PDZRN4: variants seen among roughly 807,000 people sequenced by gnomAD.
PDZRN4 encodes PDZ domain containing ring finger 4.
PDZRN4 carries 70 observed loss-of-function variants against 99.0 expected under a neutral mutation model. The observed-to-expected ratio is 0.71, with a 90% CI of 0.58 to 0.86. The LOEUF is 0.86. Ranked by LOEUF, PDZRN4 falls within the 40% of genes least tolerant of loss-of-function variation. PDZRN4 has a pLI of 0.00. For synonymous variants in PDZRN4, 551 were observed against 501.6 expected, an observed-to-expected ratio of 1.10 and a Z score of -1.32; for missense variants, 1,474 against 1,331.2, an observed-to-expected ratio of 1.11 and a Z score of -1.67.
Position 41,572,981 on chromosome 12 carries a change from C to T in PDZRN4, c.2202C>T (p.Asp734=). The change falls in exon 10 of 10, where the codon GAC becomes GAT. Residue 734 remains aspartate (D), a synonymous_variant. Coordinates refer to ENST00000402685, the MANE Select transcript of PDZRN4 (RefSeq NM_001164595.2). ...IMEHPEKSDK[D]SSSAYNTAES... ...AGCATCCAGAAAAGTCTGACAAGGA[C>T]AGTTCTAGTGCTTACAACACAGCTG... 4.3e-6 allele frequency: 7 copies of T among 1,614,128 alleles called. No individual in the cohort carries two copies. Among genetic ancestry groups the T allele is most frequent in the Non-Finnish European group, 5.9e-6 (7 of 1,180,000 alleles).
intron 5 of PDZRN4, among the ~76,000 whole-genome samples, chr12:41,550,873 T>C (rs1443232143): frequency 6.6e-6 from 1 of 152,208 alleles, no homozygotes; most frequent in African/African-American, 2.4e-5. Flanking sequence ...TATTATCCAC[T>C]GACAAGGACT....
intron 3 of PDZRN4, among the ~76,000 whole-genome samples, chr12:41,203,681 G>C (rs1950831105): frequency 6.6e-6 from 1 of 151,936 alleles, no homozygotes; most frequent in African/African-American, 2.4e-5. Context: ...ATTTGCCAAG[G>C]CCACACAGTA....
chr12:41,470,833 A>G (rs1169149657), intron 3 of PDZRN4, among the ~76,000 whole-genome samples: 3 of 152,180 alleles, frequency 2.0e-5, no homozygotes, highest in Non-Finnish European at 2.9e-5. Flanking sequence ...TGGGGGAGCC[A>G]GGAGGTACAG....
intron 5 of PDZRN4, among the ~76,000 whole-genome samples, chr12:41,552,202 T>A (rs976405549): frequency 6.6e-6 from 1 of 152,190 alleles, no homozygotes; most frequent in African/African-American, 2.4e-5. Context: ...GGAAACAGCT[T>A]GGTATAGTCT....
At chr12:41,548,722 A>C (rs998819399) in intron 5 of PDZRN4, among the ~76,000 whole-genome samples, 2 of 152,208 alleles carry the variant, frequency 1.3e-5, no homozygotes, top group African/African-American at 4.8e-5. Context: ...TTCTTTCCCC[A>C]GTAAGAGAGA....
chr12:41,242,843 C>T (rs947816244), intron 3 of PDZRN4, among the ~76,000 whole-genome samples: 2 of 152,194 alleles, frequency 1.3e-5, no homozygotes, highest in Non-Finnish European at 2.9e-5. Flanking sequence ...AGTTAATGCA[C>T]TTAGCAAAAA....
intron 8 of PDZRN4, among the ~76,000 whole-genome samples, chr12:41,565,624 T>C (rs1259980190): frequency 6.6e-6 from 1 of 152,112 alleles, no homozygotes; most frequent in Admixed American, 6.6e-5. Context: ...CTCTCTAGAT[T>C]CTTGGAAATG....
chr12:41,329,236 G>T (rs1362836513), intron 3 of PDZRN4, among the ~76,000 whole-genome samples: 1 of 152,084 alleles, frequency 6.6e-6, no homozygotes, highest in Non-Finnish European at 1.5e-5. Context: ...CCAGTTGCTT[G>T]TATTGCACAC....
intron 3 of PDZRN4, among the ~76,000 whole-genome samples, chr12:41,341,407 T>C (rs189196201): frequency 7.8e-4 from 118 of 151,944 alleles, no homozygotes; most frequent in Admixed American, 4.2e-3. Context: ...AAATAAGAAG[T>C]TAAATTGTCC....
At chr12:41,232,362 T>A (rs75112096) in intron 3 of PDZRN4, among the ~76,000 whole-genome samples, 2,011 of 152,148 alleles carry the variant, frequency 0.013, 45 homozygotes, top group African/African-American at 0.046. Context: ...ATACACTGAA[T>A]GTGCAATAAG....
In PDZRN4 at chr12:41,546,661, A is replaced by T. The variant is rs562814333; in HGVS notation, c.1204-5995A>T. ...AAGGTTATTTTAAAAGCCAAAAAAAAGATACTACATCTAACTGTGAATTTC... is the reference window on the plus strand; with the variant it reads ...AAGGTTATTTTAAAAGCCAAAAAAATGATACTACATCTAACTGTGAATTTC... On this transcript the variant is annotated intron_variant, in intron 5 of 9. Coordinates refer to ENST00000402685, the MANE Select transcript of PDZRN4 (RefSeq NM_001164595.2). Among the ~76,000 whole-genome samples the T allele has an allele frequency of 1.3e-4, 20 of 152,318 alleles. 1 individual carries two copies. Among genetic ancestry groups the T allele is most frequent in the African/African-American group, 4.6e-4 (19 of 41,562 alleles).
chr12:41,424,673 T>C (rs747759050), intron 3 of PDZRN4, among the ~76,000 whole-genome samples: 20 of 152,184 alleles, frequency 1.3e-4, no homozygotes, highest in Non-Finnish European at 2.6e-4. Context: ...AAATACTTAG[T>C]AGTTTCATGA....
chr12:41,204,415 A>G (rs1310451372), intron 3 of PDZRN4, among the ~76,000 whole-genome samples: 3 of 151,974 alleles, frequency 2.0e-5, no homozygotes, highest in African/African-American at 7.2e-5. Context: ...CAGGCTTGTT[A>G]GAAAAGATCT....
At chr12:41,220,004 C>T (rs1950943627) in intron 3 of PDZRN4, among the ~76,000 whole-genome samples, 1 of 151,974 alleles carries the variant, frequency 6.6e-6, no homozygotes, top group Non-Finnish European at 1.5e-5. Flanking sequence ...GCAAAGGAGA[C>T]AAGACTAGTC....
intron 3 of PDZRN4, chr12:41,473,232 A>G (rs543441089): frequency 1.3e-5 from 2 of 152,312 alleles, no homozygotes; most frequent in East Asian, 3.9e-4. Flanking sequence ...CCAACATAAT[A>G]CCACAATTAT....
chr12:41,514,670 G>A (rs1393181223), intron 5 of PDZRN4, among the ~76,000 whole-genome samples: 1 of 152,038 alleles, frequency 6.6e-6, no homozygotes, highest in African/African-American at 2.4e-5. Flanking sequence ...GTTCCCATTG[G>A]TGTCTGCATG....
intron 5 of PDZRN4, among the ~76,000 whole-genome samples, chr12:41,522,360 AC>A (rs1938506108): frequency 1.3e-5 from 2 of 152,200 alleles, no homozygotes; most frequent in South Asian, 4.2e-4. Flanking sequence ...TCCATGACTT[AC>A]TTTTTTCTGG....
intron 5 of PDZRN4, among the ~76,000 whole-genome samples, chr12:41,527,404 A>G (rs1209902448): frequency 1.3e-5 from 2 of 152,160 alleles, no homozygotes; most frequent in Non-Finnish European, 2.9e-5. Flanking sequence ...AAGAAGTGTG[A>G]TGGAGGTCAG....
At chr12:41,400,335 T>C (rs1952280956) in intron 3 of PDZRN4, among the ~76,000 whole-genome samples, 1 of 152,114 alleles carries the variant, frequency 6.6e-6, no homozygotes, top group South Asian at 2.1e-4. Context: ...CAGGGAATGA[T>C]ATAGAAATCA....
Sources: gnomAD v4.1 joint callset for allele counts (sites outside exome capture counted in the v4.1 genomes callset) on GRCh38, gnomAD v4.1.1 for gene constraint, MANE v1.5 for transcripts, NCBI Gene and HGNC (gene_info 2026-07-23, HGNC 2026-07-21) for gene names.